Variants in HDAC9 observed in about 807,000 individuals in gnomAD.
HDAC9 encodes the protein histone deacetylase 9, also known as MEF-2 interacting transcription repressor (MITR) protein.
HDAC9 carries 41 observed loss-of-function variants against 139.4 expected under a neutral mutation model. That is an observed-to-expected ratio of 0.29 (90% confidence interval 0.23 to 0.38). The LOEUF is 0.38. Ranked by LOEUF, HDAC9 falls within the 10% of genes least tolerant of loss-of-function variation. HDAC9 has a pLI of 1.00. For missense variants in HDAC9, 1,147 were observed against 1,297.0 expected (o/e 0.88, Z 1.78); for synonymous variants, 517 against 476.2 (o/e 1.09, Z -1.12).
intron 6 of HDAC9, among the ~76,000 whole-genome samples, chr7:18,623,701 T>C (rs951099132): frequency 6.6e-6 from 1 of 152,176 alleles, no homozygotes; most frequent in Non-Finnish European, 1.5e-5. Context: ...CCCAACACTT[T>C]GGCAGGCCAA....
At chr7:18,601,602 T>C (rs1226564825) in intron 6 of HDAC9, among the ~76,000 whole-genome samples, 6 of 152,208 alleles carry the variant, frequency 3.9e-5, no homozygotes, top group African/African-American at 1.4e-4. Context: ...TCAAGTGTGA[T>C]ATTAGCTGTA....
At chr7:18,231,138 C>T (rs2128183451) in intron 2 of HDAC9, among the ~76,000 whole-genome samples, 2 of 152,278 alleles carry the variant, frequency 1.3e-5, no homozygotes, top group South Asian at 4.1e-4. Flanking sequence ...AACATATACT[C>T]TTTTATTCCC....
chr7:18,492,161 C>T (rs1042952185), upstream of HDAC9, among the ~76,000 whole-genome samples: 4 of 151,882 alleles, frequency 2.6e-5, no homozygotes, highest in Non-Finnish European at 5.9e-5. Flanking sequence ...TTTAATATTT[C>T]GAGATTGTTA....
At chr7:18,826,616 T>C (rs1795457026) in intron 17 of HDAC9, among the ~76,000 whole-genome samples, 1 of 151,576 alleles carries the variant, frequency 6.6e-6, no homozygotes, top group African/African-American at 2.4e-5. Context: ...GGAATTTGGC[T>C]GTAAGTGAAA....
intron 2 of HDAC9, among the ~76,000 whole-genome samples, chr7:18,280,225 A>T (rs530912486): frequency 2.6e-4 from 40 of 152,150 alleles, no homozygotes; most frequent in Admixed American, 6.5e-4. Flanking sequence ...GCCAAGGCGG[A>T]AGGATTGCTT....
chr7:18,746,041 T>C (rs985842892), intron 13 of HDAC9, among the ~76,000 whole-genome samples: 3 of 151,758 alleles, frequency 2.0e-5, no homozygotes, highest in Admixed American at 2.0e-4. Context: ...GGCTAGTTTT[T>C]AAAAATTTTT....
chr7:18,423,078 A>G (rs1371346537), intron 1 of HDAC9, among the ~76,000 whole-genome samples: 1 of 152,148 alleles, frequency 6.6e-6, no homozygotes, highest in Admixed American at 6.6e-5. Context: ...AACAGGTTTA[A>G]ACTAGTGGAT....
chr7:18,749,489 C>T (rs1477271374), intron 14 of HDAC9, among the ~76,000 whole-genome samples: 1 of 152,120 alleles, frequency 6.6e-6, no homozygotes, highest in Non-Finnish European at 1.5e-5. Flanking sequence ...ATAAACTAAA[C>T]TTTGGATTTA....
chr7:18,817,905 ATTC>A (rs1408292760), intron 17 of HDAC9, among the ~76,000 whole-genome samples: 1 of 152,334 alleles, frequency 6.6e-6, no homozygotes, highest in Admixed American at 6.5e-5. Flanking sequence ...ATCCTCAGTC[ATTC>A]TTCTTAAAAA....
rs1306093853 is a variant in HDAC9, at chr7:18,618,724, TTGTA to T, written c.665-10624_665-10621del. Among the ~76,000 whole-genome samples, 5 of 55,712 alleles carry T rather than the reference TTGTA, an allele frequency of 9.0e-5. 1 individual carries two copies. Among genetic ancestry groups the T allele is most frequent in the Non-Finnish European group, 1.7e-4 (5 of 28,802 alleles). The allele number at this position is 55,712 out of a possible 152,430, so 36.5% of individuals were successfully genotyped here. Reference sequence around the variant, plus strand: ...TAAAAGATATATCTAGTACAGAATTTTGTATATATATATATATATATATATATAT... The same window carrying T: ...TAAAAGATATATCTAGTACAGAATTTTATATATATATATATATATATATAT... On this transcript the variant is annotated intron_variant, in intron 6 of 25. Transcript: ENST00000686413.
In HDAC9 at chr7:18,347,057, T is replaced by C. The variant is rs779587065; in HGVS notation, c.-42+56542T>C. Among the ~76,000 whole-genome samples, 6 of 152,334 alleles carry C rather than the reference T, an allele frequency of 3.9e-5. No individual in the cohort carries two copies. In the East Asian group the frequency reaches 1.2e-3, roughly 29 times the overall value. ...ATGGGGGTTTTAAAAGTTGTTCATA[T>C]TTGTTTTCTGCACCATACTGAATGA... On this transcript the variant is annotated intron_variant, in intron 1 of 3. Coordinates refer to the HDAC9 transcript ENST00000413509.
intron 17 of HDAC9, among the ~76,000 whole-genome samples, chr7:18,811,135 TA>T (rs1794141028): frequency 6.6e-6 from 1 of 151,792 alleles, no homozygotes; most frequent in South Asian, 2.1e-4. Flanking sequence ...AATTTGTGCC[TA>T]CATTTTATTT....
intron 22 of HDAC9, among the ~76,000 whole-genome samples, chr7:18,910,351 A>T (rs1802634777): frequency 1.3e-5 from 2 of 151,888 alleles, no homozygotes; most frequent in Non-Finnish European, 2.9e-5. Context: ...TTTTTCAGGT[A>T]GCTCACTATT....
intron 1 of HDAC9, among the ~76,000 whole-genome samples, chr7:18,470,324 AAAG>A (rs1450668299): frequency 6.6e-6 from 1 of 152,124 alleles, no homozygotes; most frequent in Admixed American, 6.5e-5. Flanking sequence ...TTAAAAAAAA[AAAG>A]AAGCCAAACC....
intron 11 of HDAC9, among the ~76,000 whole-genome samples, chr7:18,656,163 C>A (rs1791091419): frequency 6.6e-6 from 1 of 151,762 alleles, no homozygotes; most frequent in South Asian, 2.1e-4. Flanking sequence ...CTACAGTGAC[C>A]CTGAAATGTC....
chr7:18,685,089 G>C (rs1782171320), intron 12 of HDAC9, among the ~76,000 whole-genome samples: 1 of 151,914 alleles, frequency 6.6e-6, no homozygotes, highest in African/African-American at 2.4e-5. Context: ...GAGAGAAACT[G>C]TCCTCCACCC....
chr7:18,636,433 G>A (rs1438011276), intron 8 of HDAC9, among the ~76,000 whole-genome samples: 1 of 151,954 alleles, frequency 6.6e-6, no homozygotes, highest in Non-Finnish European at 1.5e-5. Flanking sequence ...ACTTATCATG[G>A]CACCACATTT....
In HDAC9 at chr7:18,835,564, C is replaced by T; in HGVS notation, c.2564C>T (p.Pro855Leu). Reference sequence around the variant, plus strand: ...CGCTATGATGAAGGGAACTTTTTCCCTGGCAGTGGAGCCCCAAATGAGGTT... The same window carrying T: ...CGCTATGATGAAGGGAACTTTTTCCTTGGCAGTGGAGCCCCAAATGAGGTT... ...LHRYDEGNFF[P>L]GSGAPNEVGT... Residue 855 changes from proline to leucine, a missense_variant, in exon 20 of 26, where the codon CCT (proline) becomes CTT (leucine). This residue lies in a region of HDAC9 where 407 missense variants were observed against 521.5 expected (regional missense o/e 0.78). Coordinates refer to ENST00000686413, the MANE Select transcript of HDAC9 (RefSeq NM_178425.4). 6.2e-7 allele frequency: 1 copy of T among 1,613,800 alleles called. No homozygotes were observed. The highest frequency in any genetic ancestry group is 8.5e-7 in the Non-Finnish European group (1 of 1,179,720).
At chr7:18,808,575 GA>G (rs1451133519) in intron 17 of HDAC9, among the ~76,000 whole-genome samples, 4 of 151,640 alleles carry the variant, frequency 2.6e-5, no homozygotes, top group Non-Finnish European at 4.4e-5. Flanking sequence ...AAAATACTTA[GA>G]AAAAAATTAA....
Sources: gnomAD v4.1 joint callset for allele counts (sites outside exome capture counted in the v4.1 genomes callset) on GRCh38, gnomAD v4.1.1 for gene constraint, gnomAD v4.1.1 regional missense constraint, MANE v1.5 for transcripts, NCBI Gene and HGNC (gene_info 2026-07-23, HGNC 2026-07-21) for gene names.